RCL1: variants seen among roughly 807,000 people sequenced by gnomAD.
RCL1 encodes the protein RNA 3'-terminal phosphate cyclase-like protein.
In RCL1, 24 loss-of-function variants were observed where a neutral mutation model predicts 42.4. That is an observed-to-expected ratio of 0.57 (90% CI 0.41 to 0.80). The LOEUF is 0.80. RCL1 is among the 30% of genes least tolerant of loss of function. The probability of loss-of-function intolerance (pLI) is 0.00; values close to 1 mark genes in which losing one functional copy is unlikely to be tolerated. For synonymous variants in RCL1, 228 were observed against 177.3 expected, an observed-to-expected ratio of 1.29 and a Z score of -2.27; for missense variants, 578 against 467.9, an observed-to-expected ratio of 1.24 and a Z score of -2.17.
At chr9:4,856,382 C>G (rs1817963032) in intron 8 of RCL1, among the ~76,000 whole-genome samples, 1 of 152,160 alleles carries the variant, frequency 6.6e-6, no homozygotes, top group African/African-American at 2.4e-5. Context: ...TCCAGTGCCT[C>G]TTTACTGAGA....
intron 5 of RCL1, chr9:4,839,692 AG>A (rs1817249638): frequency 1.0e-6 from 1 of 985,156 alleles, no homozygotes; most frequent in Admixed American, 6.1e-5. Flanking sequence ...TCCTCATTTC[AG>A]GTTTGTCCTT....
chr9:4,830,663 C>T (rs1816913808), intron 3 of RCL1, among the ~76,000 whole-genome samples: 1 of 152,126 alleles, frequency 6.6e-6, no homozygotes, highest in Non-Finnish European at 1.5e-5. Context: ...TAATGTCTCC[C>T]ATGTACTGGG....
intron 7 of RCL1, among the ~76,000 whole-genome samples, chr9:4,846,221 T>A (rs1184711712): frequency 1.3e-5 from 2 of 152,190 alleles, no homozygotes; most frequent in African/African-American, 2.4e-5. Flanking sequence ...TTAATTAAAT[T>A]TCCAGGTCCT....
At chr9:4,824,125 A>G (rs991201882) in intron 2 of RCL1, among the ~76,000 whole-genome samples, 1 of 152,226 alleles carries the variant, frequency 6.6e-6, no homozygotes, top group African/African-American at 2.4e-5. Context: ...ATTTACTTAT[A>G]TTATCACATT....
intron 1 of RCL1, among the ~76,000 whole-genome samples, chr9:4,795,671 C>A (rs1008296798): frequency 6.6e-6 from 1 of 152,196 alleles, no homozygotes; most frequent in South Asian, 2.1e-4. Context: ...CCAATAAAAT[C>A]TTCAGTTCTA....
intron 1 of RCL1, among the ~76,000 whole-genome samples, chr9:4,811,446 C>G (rs1051349544): frequency 6.6e-6 from 1 of 152,110 alleles, no homozygotes; most frequent in African/African-American, 2.4e-5. Flanking sequence ...TTCCCCGCCT[C>G]TAGTAACCAC....
intron 8 of RCL1, among the ~76,000 whole-genome samples, chr9:4,855,072 A>AAAAAC (rs56709677): frequency 0.2 from 27,170 of 138,934 alleles, 3,361 homozygotes; most frequent in South Asian, 0.28. Context: ...AAAAAAAAAA[A>AAAAAC]ATAGGAAAAG....
At chr9:4,827,068 G>C (rs1816789044) in intron 3 of RCL1, 35 bp downstream of exon 3, 13 of 1,613,602 alleles carry the variant, frequency 8.1e-6, no homozygotes, top group Non-Finnish European at 1.1e-5. Flanking sequence ...TGTGGTTTTT[G>C]TTTTGTCTCT....
chr9:4,811,509 T>A (rs187721089), intron 1 of RCL1, among the ~76,000 whole-genome samples: 1 of 152,272 alleles, frequency 6.6e-6, no homozygotes, highest in East Asian at 1.9e-4. Context: ...CCACAAGATA[T>A]GTGGTATTTA....
intron 5 of RCL1, among the ~76,000 whole-genome samples, chr9:4,838,383 T>C (rs1817208038): frequency 6.6e-6 from 1 of 152,224 alleles, no homozygotes; most frequent in Admixed American, 6.5e-5. Flanking sequence ...CACCCCTGCC[T>C]TATGTGGGGC....
intron 2 of RCL1, among the ~76,000 whole-genome samples, chr9:4,825,129 C>T (rs539500942): frequency 1.9e-3 from 286 of 151,598 alleles, no homozygotes; most frequent in African/African-American, 6.7e-3. Flanking sequence ...GTGATCCATC[C>T]ACCTCAGCCT....
intron 7 of RCL1, among the ~76,000 whole-genome samples, chr9:4,845,480 A>G (rs1817482191): frequency 1.3e-5 from 2 of 152,234 alleles, no homozygotes; most frequent in African/African-American, 4.8e-5. Flanking sequence ...TTTCCTCAAA[A>G]TAGGTGAGGT....
At chr9:4,805,520 T>C (rs193195832) in intron 1 of RCL1, among the ~76,000 whole-genome samples, 13 of 152,346 alleles carry the variant, frequency 8.5e-5, no homozygotes, top group African/African-American at 2.9e-4. Context: ...AAGTTTTATA[T>C]ACAAAAGTTT....
At chr9:4,848,905 T>A (rs183442078) in intron 7 of RCL1, among the ~76,000 whole-genome samples, 1 of 152,240 alleles carries the variant, frequency 6.6e-6, no homozygotes, top group Admixed American at 6.5e-5. Flanking sequence ...CAGGAAGAGA[T>A]AAAGGAGAGA....
At chr9:4,839,871 T>C in intron 5 of RCL1, 1 of 985,514 alleles carries the variant, frequency 1.0e-6, no homozygotes. Flanking sequence ...TAAGTTCAAG[T>C]GGAGCTAACA....
At chr9:4,847,172 C>G (rs295255) in intron 7 of RCL1, among the ~76,000 whole-genome samples, 47,932 of 152,036 alleles carry the variant, frequency 0.32, 8,042 homozygotes, top group Non-Finnish European at 0.38. Flanking sequence ...AGCCACTGTG[C>G]CTGGCAATTT....
intron 3 of RCL1, among the ~76,000 whole-genome samples, chr9:4,832,743 G>C (rs1158163272): frequency 6.7e-6 from 1 of 149,266 alleles, no homozygotes; most frequent in African/African-American, 2.5e-5. Flanking sequence ...GGGAGGCAGA[G>C]GTTGCAGTGA....
At chr9:4,818,761 A>G (rs981318078) in intron 1 of RCL1, among the ~76,000 whole-genome samples, 17 of 151,566 alleles carry the variant, frequency 1.1e-4, no homozygotes, top group African/African-American at 4.1e-4. Flanking sequence ...AGTCCTAGCT[A>G]CTCGGGAGGG....
chr9:4,833,308 C>T (rs1173711361), intron 4 of RCL1, 80 bp downstream of exon 4: 11 of 1,040,452 alleles, frequency 1.1e-5, no homozygotes, highest in Non-Finnish European at 1.5e-5. Flanking sequence ...CTGTGTGACT[C>T]AGTGTATGTG....
Sources: allele counts gnomAD v4.1 joint callset (sites outside exome capture counted in the v4.1 genomes callset), GRCh38; gene constraint gnomAD v4.1.1; transcripts MANE v1.5; gene names NCBI Gene and HGNC (gene_info 2026-07-23, HGNC 2026-07-21).